Variants in CRCP observed in about 807,000 individuals in gnomAD.
The protein encoded by CRCP is DNA-directed RNA polymerase III subunit RPC9.
CRCP carries 18 observed loss-of-function variants against 18.5 expected under a neutral mutation model. The ratio of observed to expected loss-of-function variants is 0.97; its 90% CI spans 0.67 to 1.44. The LOEUF (loss-of-function observed/expected upper bound fraction) is 1.44, where lower values mean the gene tolerates loss of function less well. Among genes scored for constraint, CRCP ranks in the 40% most tolerant of loss-of-function variants. The pLI is 0.00. For synonymous variants in CRCP, 53 were observed against 62.9 expected (o/e 0.84, Z 0.75); for missense variants, 130 against 176.4 (o/e 0.74, Z 1.49).
chr7:66,141,970 G>T (rs1425469064), intron 4 of CRCP, among the ~76,000 whole-genome samples: 2 of 152,128 alleles, frequency 1.3e-5, no homozygotes, highest in African/African-American at 4.8e-5. Context: ...GAACTTGCTT[G>T]GTGGTTTGAC....
intron 5 of CRCP, among the ~76,000 whole-genome samples, chr7:66,151,337 A>G (rs909007460): frequency 2.6e-5 from 4 of 151,988 alleles, no homozygotes; most frequent in Non-Finnish European, 5.9e-5. Context: ...TGGGAGGCCA[A>G]GGTGGGTGGA....
At chr7:66,140,526 GC>G (rs1788104546) in intron 4 of CRCP, among the ~76,000 whole-genome samples, 1 of 151,938 alleles carries the variant, frequency 6.6e-6, no homozygotes, top group Non-Finnish European at 1.5e-5. Context: ...CTCCTGAGTA[GC>G]TGGGATTACA....
intron 4 of CRCP, among the ~76,000 whole-genome samples, chr7:66,135,654 G>A (rs1034398133): frequency 6.6e-6 from 1 of 152,122 alleles, no homozygotes; most frequent in Non-Finnish European, 1.5e-5. Flanking sequence ...CAGGTGTGGC[G>A]GCTCATGCCT....
intron 1 of CRCP, among the ~76,000 whole-genome samples, chr7:66,124,854 A>AT (rs1398813167): frequency 2.0e-5 from 3 of 149,310 alleles, no homozygotes; most frequent in South Asian, 2.1e-4. Flanking sequence ...TAGCGATGAT[A>AT]ATCTACTATT....
chr7:66,122,333 C>T (rs1787468571), intron 1 of CRCP, among the ~76,000 whole-genome samples: 1 of 147,292 alleles, frequency 6.8e-6, no homozygotes, highest in South Asian at 2.1e-4. Context: ...TGAGATCGCG[C>T]CACTGCACTC....
In CRCP at chr7:66,128,544, C is replaced by G. The variant is rs111338659; in HGVS notation, c.45+804C>G. ...CAGTGGCTCATGCCCATAATCCCAG[C>G]ACTTTGGAAGGCCAAGGCCAGCGGA... is the stretch of plus-strand genomic sequence containing the variant. On this transcript the variant is annotated intron_variant, in intron 2 of 5. Coordinates refer to ENST00000395326, the MANE Select transcript of CRCP (RefSeq NM_014478.5). 2.6e-3 allele frequency: 390 copies of G among 152,280 alleles called. 1 individual carries two copies. Among genetic ancestry groups the G allele is most frequent in the African/African-American group, 9.1e-3 (377 of 41,572 alleles). The allele number at this position is 152,280 out of a possible 1,614,324, so 9.4% of individuals were successfully genotyped here.
chr7:66,148,142 A>G (rs531296855), intron 5 of CRCP, among the ~76,000 whole-genome samples: 4 of 151,782 alleles, frequency 2.6e-5, no homozygotes, highest in Non-Finnish European at 1.5e-5. Flanking sequence ...TGGGTGGATC[A>G]CCTGAGGTCA....
intron 1 of CRCP, among the ~76,000 whole-genome samples, chr7:66,125,585 T>G (rs1453927159): frequency 6.7e-6 from 1 of 149,298 alleles, no homozygotes; most frequent in Non-Finnish European, 1.5e-5. Flanking sequence ...TCATTAAAAC[T>G]TATGTGAAAG....
At chr7:66,137,820 G>T (rs534135288) in intron 4 of CRCP, among the ~76,000 whole-genome samples, 2 of 152,122 alleles carry the variant, frequency 1.3e-5, no homozygotes, top group South Asian at 4.2e-4. Flanking sequence ...TTTACCAGTT[G>T]GTGTATATAA....
intron 4 of CRCP, among the ~76,000 whole-genome samples, chr7:66,141,383 C>T (rs780981381): frequency 6.6e-6 from 1 of 152,092 alleles, no homozygotes; most frequent in Non-Finnish European, 1.5e-5. Flanking sequence ...CCCTGCTGCC[C>T]GTCCCCGCCT....
intron 3 of CRCP, among the ~76,000 whole-genome samples, chr7:66,133,858 CTTTTT>C (rs751345422): frequency 1.0e-5 from 1 of 96,714 alleles, no homozygotes; most frequent in African/African-American, 4.3e-5. Flanking sequence ...TTTTTGTTTT[CTTTTT>C]TTTTTTTTTT....
Position 66,126,324 on chromosome 7 carries a change from C to A in CRCP, c.9-1380C>A, listed in dbSNP as rs1003345893. ...GGTCATCATTTGGATCATCTCGCCACACTCCTGGTTTAAGAACATACAGAG... is the reference window on the plus strand; with the variant it reads ...GGTCATCATTTGGATCATCTCGCCAAACTCCTGGTTTAAGAACATACAGAG... On this transcript the variant is annotated intron_variant, in intron 1 of 5. Transcript: ENST00000395326. Among the ~76,000 whole-genome samples the A allele has an allele frequency of 2.1e-5, 3 of 145,010 alleles. No individual in the cohort carries two copies. In the Admixed American group the frequency reaches 2.1e-4, roughly 10 times the overall value.
Position 66,152,383 on chromosome 7 carries a change from C to G in CRCP, c.*26C>G. The G allele has an allele frequency of 6.2e-7, 1 of 1,611,996 alleles. No individual in the cohort carries two copies. Among genetic ancestry groups the G allele is most frequent in the Non-Finnish European group, 8.5e-7 (1 of 1,179,078 alleles). On this transcript the variant is annotated 3_prime_UTR_variant, in exon 6 of 6. Transcript: ENST00000395326. ...AAGAGCACAGCTGGCCCCGGCGTTT[C>G]ATGAAGTCAGAAGGCCTGGCAGCCA...
chr7:66,153,794 C>T lies in CRCP; in HGVS notation c.*1437C>T, dbSNP rs1428607218. The T allele has an allele frequency of 6.6e-6, 1 of 152,054 alleles. No homozygotes were observed. Among genetic ancestry groups the T allele is most frequent in the East Asian group, 1.9e-4 (1 of 5,168 alleles). 9.4% of individuals were successfully genotyped at this position (152,054 alleles called of 1,614,324 possible). ...ACCAGATTGGGGCCAGGTGTAGCGG[C>T]CCACACCTGTAATCCCAGCACTTTG... On this transcript the variant is annotated 3_prime_UTR_variant, in exon 6 of 6. Transcript: ENST00000395326.
chr7:66,116,185 A>G (rs1035430520), intron 1 of CRCP, among the ~76,000 whole-genome samples: 1 of 151,918 alleles, frequency 6.6e-6, no homozygotes, highest in Non-Finnish European at 1.5e-5. Context: ...ACACTCTCAT[A>G]TTGTCTATTT....
At chr7:66,140,213 G>T (rs1276978526) in intron 4 of CRCP, among the ~76,000 whole-genome samples, 1 of 152,170 alleles carries the variant, frequency 6.6e-6, no homozygotes, top group Non-Finnish European at 1.5e-5. Context: ...TGGGGCCACC[G>T]CAGCTGCACC....
At chr7:66,148,089 C>T (rs749582942) in intron 5 of CRCP, among the ~76,000 whole-genome samples, 5 of 151,254 alleles carry the variant, frequency 3.3e-5, no homozygotes, top group Non-Finnish European at 5.9e-5. Flanking sequence ...TGGCTGGGCA[C>T]GGTGGCTCAC....
chr7:66,119,928 A>C (rs1787383924), intron 1 of CRCP, among the ~76,000 whole-genome samples: 2 of 152,166 alleles, frequency 1.3e-5, no homozygotes, highest in Non-Finnish European at 2.9e-5. Flanking sequence ...CATGCCTGTA[A>C]TCCCAGCACT....
In CRCP at chr7:66,131,853, C is replaced by A. The variant is rs145218410; in HGVS notation, c.144+1011C>A. On this transcript the variant is annotated intron_variant, in intron 3 of 5. Transcript: ENST00000395326. Reference sequence around the variant, plus strand: ...CGCAACCTCGGCTCACCTCTGGCTCCCGGGTTCAAGCGATTCTCCTGCCTC... The same window carrying A: ...CGCAACCTCGGCTCACCTCTGGCTCACGGGTTCAAGCGATTCTCCTGCCTC... Among the ~76,000 whole-genome samples the A allele has an allele frequency of 7.4e-3, 1,132 of 151,976 alleles. 17 individuals carry two copies. Among genetic ancestry groups the A allele is most frequent in the African/African-American group, 0.026 (1,063 of 41,438 alleles).
Sources: allele counts gnomAD v4.1 joint callset (sites outside exome capture counted in the v4.1 genomes callset), GRCh38; gene constraint gnomAD v4.1.1; transcripts MANE v1.5; gene names NCBI Gene and HGNC (gene_info 2026-07-23, HGNC 2026-07-21).